Variants in SORCS2 observed in about 807,000 individuals in gnomAD.
SORCS2 encodes sortilin related VPS10 domain containing receptor 2.
In SORCS2, 100 loss-of-function variants were observed where a neutral mutation model predicts 141.6. That is an observed-to-expected ratio of 0.71 (90% confidence interval 0.60 to 0.83). SORCS2 has a LOEUF of 0.83. SORCS2 is among the 40% of genes least tolerant of loss of function. The pLI, the probability that SORCS2 is intolerant of heterozygous loss-of-function variation, is 0.00. For missense variants in SORCS2, 1,646 were observed against 1,560.2 expected (o/e 1.05, Z -0.93); for synonymous variants, 789 against 676.9 (o/e 1.17, Z -2.57).
At chr4:7,542,886 T>G (rs947054316) in intron 3 of SORCS2, among the ~76,000 whole-genome samples, 1 of 152,198 alleles carries the variant, frequency 6.6e-6, no homozygotes, top group Non-Finnish European at 1.5e-5. Flanking sequence ...CCACCCACGC[T>G]TCCTCTTCCC....
In SORCS2 at chr4:7,373,482, T is replaced by TAA. The variant is rs1560228534; in HGVS notation, c.481-22806_481-22805insAA. Among the ~76,000 whole-genome samples the TAA allele has an allele frequency of 6.5e-4, 12 of 18,494 alleles. 2 individuals carry two copies. The highest frequency in any genetic ancestry group is 1.9e-3 in the African/African-American group (11 of 5,820). The allele number at this position is 18,494 out of a possible 152,430, so 12.1% of individuals were successfully genotyped here. A position where few individuals can be genotyped will look rare whatever the true frequency, so the allele number is the denominator to read the frequency against. On this transcript the variant is annotated intron_variant, in intron 1 of 26. Coordinates refer to ENST00000507866, the MANE Select transcript of SORCS2 (RefSeq NM_020777.3). ...TTTATATATATATATATATATATTT[T>TAA]TTTTTTTTTTTTTTTTTTTTTTTTG... is the stretch of plus-strand genomic sequence containing the variant.
intron 1 of SORCS2, among the ~76,000 whole-genome samples, chr4:7,276,381 C>T (rs947570905): frequency 1.8e-4 from 28 of 152,126 alleles, no homozygotes; most frequent in Non-Finnish European, 7.4e-5. Flanking sequence ...AGACAAGATA[C>T]GTCCCCAGCT....
At chr4:7,230,676 G>C (rs952382774) in intron 1 of SORCS2, among the ~76,000 whole-genome samples, 143 of 93,210 alleles carry the variant, frequency 1.5e-3, no homozygotes, top group African/African-American at 1.8e-3. Context: ...TCAAGTCTTC[G>C]AGTCTCTGGG....
intron 2 of SORCS2, among the ~76,000 whole-genome samples, chr4:7,458,282 C>T (rs551718003): frequency 6.6e-6 from 1 of 152,210 alleles, no homozygotes; most frequent in South Asian, 2.1e-4. Flanking sequence ...GGAGACGGTA[C>T]TCACTACTGT....
chr4:7,646,199 G>A (rs1456708456), intron 4 of SORCS2, among the ~76,000 whole-genome samples: 1 of 152,244 alleles, frequency 6.6e-6, no homozygotes, highest in Non-Finnish European at 1.5e-5. Context: ...AAACAGCTGT[G>A]CAGGCGTGAG....
chr4:7,277,418 A>G (rs1000124741), intron 1 of SORCS2, among the ~76,000 whole-genome samples: 2 of 152,128 alleles, frequency 1.3e-5, no homozygotes, highest in African/African-American at 4.8e-5. Flanking sequence ...CTTCTCCTCA[A>G]TACAGACGGG....
intron 9 of SORCS2, among the ~76,000 whole-genome samples, chr4:7,680,149 G>A (rs957269960): frequency 6.6e-6 from 1 of 152,178 alleles, no homozygotes; most frequent in Non-Finnish European, 1.5e-5. Flanking sequence ...CCTCCCTTCA[G>A]CTCCAGACCA....
At chr4:7,242,955 T>C (rs1397181568) in intron 1 of SORCS2, among the ~76,000 whole-genome samples, 1 of 152,104 alleles carries the variant, frequency 6.6e-6, no homozygotes, top group Non-Finnish European at 1.5e-5. Context: ...GGGGCGCCCA[T>C]GGTGGGCTAG....
chr4:7,585,347 G>A (rs1271692283), intron 3 of SORCS2, among the ~76,000 whole-genome samples: 5 of 152,168 alleles, frequency 3.3e-5, no homozygotes, highest in Admixed American at 3.3e-4. Context: ...GGGTGGTTTG[G>A]GCTGCGGTGT....
At chr4:7,724,256 T>TTGGTGA (rs1307439516) in intron 19 of SORCS2, among the ~76,000 whole-genome samples, 1 of 144,374 alleles carries the variant, frequency 6.9e-6, no homozygotes, top group Non-Finnish European at 1.5e-5. Flanking sequence ...GACGTTGGTG[T>TTGGTGA]TGGTGATGGT....
At chr4:7,566,132 G>T (rs920238794) in intron 3 of SORCS2, among the ~76,000 whole-genome samples, 3 of 150,918 alleles carry the variant, frequency 2.0e-5, no homozygotes, top group African/African-American at 7.3e-5. Context: ...GGTGATGATG[G>T]TGGTGATGAT....
intron 1 of SORCS2, among the ~76,000 whole-genome samples, chr4:7,313,814 G>T (rs1380308268): frequency 6.6e-5 from 10 of 152,150 alleles, no homozygotes; most frequent in African/African-American, 2.4e-4. Context: ...CCTGTGCTGT[G>T]AGATCAAATC....
At chr4:7,719,602 C>T (rs556201186) in intron 18 of SORCS2, among the ~76,000 whole-genome samples, 4 of 152,302 alleles carry the variant, frequency 2.6e-5, no homozygotes, top group South Asian at 4.1e-4. Context: ...GAGCCAGGGG[C>T]AGCCCTGGGG....
intron 1 of SORCS2, among the ~76,000 whole-genome samples, chr4:7,386,623 A>G (rs1386851625): frequency 6.6e-6 from 1 of 151,044 alleles, no homozygotes; most frequent in Non-Finnish European, 1.5e-5. Flanking sequence ...CCCACCATAC[A>G]CATGAACACA....
chr4:7,385,054 C>G (rs1340957048), intron 1 of SORCS2, among the ~76,000 whole-genome samples: 2 of 152,164 alleles, frequency 1.3e-5, no homozygotes. Context: ...CTTGGAGAAT[C>G]CAGGAGGGCT....
At chr4:7,413,621 C>T (rs959615961) in intron 2 of SORCS2, among the ~76,000 whole-genome samples, 9 of 152,110 alleles carry the variant, frequency 5.9e-5, no homozygotes, top group Non-Finnish European at 8.8e-5. Flanking sequence ...CTCTTGGCCT[C>T]AGGTAATCTG....
intron 1 of SORCS2, among the ~76,000 whole-genome samples, chr4:7,318,788 G>C (rs1181578316): frequency 6.6e-6 from 1 of 152,096 alleles, no homozygotes; most frequent in East Asian, 1.9e-4. Context: ...ACAGTACTAT[G>C]AATTTTGACA....
Position 7,734,308 on chromosome 4 carries a change from C to T in SORCS2, c.3245C>T (p.Ala1082Val), listed in dbSNP as rs917347418. The change falls in exon 25 of 27, where the codon GCG becomes GTG. Residue 1082 changes from alanine to valine, a missense_variant. Ala to Val is a moderately conservative substitution (Grantham distance 64). Coordinates refer to ENST00000507866, the MANE Select transcript of SORCS2 (RefSeq NM_020777.3). ...EQLGGGGGYW[A>V]VVVLFVIGLF... ...CTGGGCGGCGGTGGCGGCTACTGGG[C>T]GGTAGTGGTGCTGTTTGTCATCGGG... is the stretch of plus-strand genomic sequence containing the variant. The T allele has an allele frequency of 5.6e-6, 9 of 1,602,882 alleles. No individual in the cohort carries two copies. The highest frequency in any genetic ancestry group is 5.4e-5 in the African/African-American group (4 of 74,668).
chr4:7,288,036 C>T (rs113748352), intron 1 of SORCS2, among the ~76,000 whole-genome samples: 24,719 of 152,258 alleles, frequency 0.16, 2,658 homozygotes, highest in Non-Finnish European at 0.24. Context: ...TGGCAGGAGG[C>T]GTCCTGAAAG....
Sources: allele counts gnomAD v4.1 joint callset (sites outside exome capture counted in the v4.1 genomes callset), GRCh38; gene constraint gnomAD v4.1.1; transcripts MANE v1.5; gene names NCBI Gene and HGNC (gene_info 2026-07-23, HGNC 2026-07-21).